Variants in LSR observed in about 807,000 individuals in gnomAD.
The protein encoded by LSR is lipolysis stimulated lipoprotein receptor, also known as lipolysis-stimulated lipoprotein receptor.
Under a neutral mutation model 61.8 loss-of-function variants are expected in LSR, and 44 were observed. The ratio of observed to expected loss-of-function variants is 0.71; its 90% CI spans 0.56 to 0.91. The LOEUF is 0.91. Among genes scored for constraint, LSR ranks in the 40% least tolerant of loss-of-function variants. LSR has a pLI of 0.00. For missense variants in LSR, 911 were observed against 830.5 expected (o/e 1.10, Z -1.19); for synonymous variants, 397 against 350.6 (o/e 1.13, Z -1.48).
At position 35,266,825 on chromosome 19, in the gene LSR, C is replaced by A. The variant is rs199988546; in HGVS notation, c.1013-11C>A. 32 of 1,607,114 alleles carry A rather than the reference C, an allele frequency of 2.0e-5. No homozygotes were observed. The Admixed American group carries it at 3.7e-4, about 19-fold the overall frequency. ...ATCCTCCCAAACCGACCACCACCCC[C>A]CTGTCCCTAGAAGTCCGCAGTGGCT... On this transcript the variant is annotated splice_polypyrimidine_tract_variant and intron_variant, in intron 7 of 9. Transcript: ENST00000605618.
chr19:35,265,528 G>A (rs990103020), intron 5 of LSR, among the ~76,000 whole-genome samples: 1 of 152,162 alleles, frequency 6.6e-6, no homozygotes, highest in Non-Finnish European at 1.5e-5. Context: ...CAAATCAGAG[G>A]TGAGGCACCC....
intron 4 of LSR, 46 bp downstream of exon 4, chr19:35,262,027 C>A: frequency 6.8e-7 from 1 of 1,461,844 alleles, no homozygotes; most frequent in Non-Finnish European, 9.2e-7. Context: ...AGCTCCCATA[C>A]ATCACCTACT....
rs1395473741 is a variant in LSR at position 35,257,722 on chromosome 19, G to A, written c.455-1223G>A. On this transcript the variant is annotated intron_variant, in intron 2 of 9. Coordinates refer to ENST00000605618, the MANE Select transcript of LSR (RefSeq NM_205834.4). ...ATGTAGCCTACTTCTGTCCCCAGTGGCTTAAGGCAGAGTTGCCTGGTAGGT... is the reference window on the plus strand; with the variant it reads ...ATGTAGCCTACTTCTGTCCCCAGTGACTTAAGGCAGAGTTGCCTGGTAGGT... Among the ~76,000 whole-genome samples the A allele has an allele frequency of 3.3e-5, 5 of 152,176 alleles. No individual in the cohort carries two copies. The East Asian group carries it at 9.6e-4, about 29-fold the overall frequency.
chr19:35,266,682 G>A lies in LSR; in HGVS notation c.956G>A (p.Gly319Asp). Residue 319 changes from glycine to aspartate, a missense_variant, in exon 7 of 10, where the codon GGT becomes GAT. Gly to Asp is a moderately conservative substitution (Grantham distance 94, BLOSUM62 -1). Coordinates refer to ENST00000605618, the MANE Select transcript of LSR (RefSeq NM_205834.4). Reference sequence around the variant, plus strand: ...ACTGACAGCCACTCTCCCCCAGCTGGTGGCCAAGGCTCCTATGTACCCCTG... The same window carrying A: ...ACTGACAGCCACTCTCCCCCAGCTGATGGCCAAGGCTCCTATGTACCCCTG... ...PGDVDRSSSA[G>D]GQGSYVPLLR... is the part of the protein sequence containing the mutation. The A allele has an allele frequency of 6.2e-7, 1 of 1,608,380 alleles. No individual in the cohort carries two copies. Among genetic ancestry groups the A allele is most frequent in the Non-Finnish European group, 8.5e-7 (1 of 1,177,784 alleles).
chr19:35,258,975 G>T lies in LSR; in HGVS notation c.485G>T (p.Trp162Leu), dbSNP rs374784835. 18 of 1,613,808 alleles carry T rather than the reference G, an allele frequency of 1.1e-5. No homozygotes were observed. Among genetic ancestry groups the T allele is most frequent in the South Asian group, 2.2e-5 (2 of 91,084 alleles). Residue 162 changes from tryptophan to leucine, a missense_variant, in exon 3 of 10, where the codon TGG (tryptophan) becomes TTG (leucine). Trp to Leu is a moderately conservative substitution (Grantham distance 61). Coordinates refer to ENST00000605618, the MANE Select transcript of LSR (RefSeq NM_205834.4). ...NADLTFDQTAWGDSGVYYCSV... is the reference protein window; with the variant it reads ...NADLTFDQTALGDSGVYYCSV... ...GACCTGACCTTTGACCAGACGGCGTGGGGGGACAGTGGTGTGTATTACTGC... is the reference window on the plus strand; with the variant it reads ...GACCTGACCTTTGACCAGACGGCGTTGGGGGACAGTGGTGTGTATTACTGC...
rs374794014 is a variant in LSR at position 35,250,439 on chromosome 19, G to C, written c.234G>C (p.Trp78Cys). The change falls in exon 2 of 10, where the codon TGG becomes TGC. Residue 78 changes from tryptophan to cysteine, a missense_variant. Physicochemically the swap from Trp to Cys is radical, Grantham distance 215. Coordinates refer to ENST00000605618, the MANE Select transcript of LSR (RefSeq NM_205834.4). ...TSTPTQPIVI[W>C]KYKSFCRDRI... ...CCCCCACGCAACCCATCGTCATCTG[G>C]AAGTACAAGTCTTTCTGCCGGGACC... is the stretch of plus-strand genomic sequence containing the variant. 17 of 1,614,008 alleles carry C rather than the reference G, an allele frequency of 1.1e-5. No homozygotes were observed. Among genetic ancestry groups the C allele is most frequent in the Non-Finnish European group, 1.4e-5 (16 of 1,179,986 alleles).
At chr19:35,249,227 G>A in intron 1 of LSR, 96 bp downstream of exon 1, 2 of 1,432,890 alleles carry the variant, frequency 1.4e-6, no homozygotes, top group Non-Finnish European at 1.8e-6. Flanking sequence ...GGAAGCGGGG[G>A]TCTCAGAGGC....
Position 35,267,137 on chromosome 19 carries a change from G to A in LSR, c.1173G>A (p.Glu391=). The stretch of plus-strand genomic sequence containing the variant: ...TGAGTGAAGTCACCTCCCTCCACGA[G>A]GACGACTGGCGATCTCGGCCTTCCC... ...RAMSEVTSLH[E]DDWRSRPSRG... is the part of the protein sequence containing the mutation. The change falls in exon 9 of 10, where the codon GAG becomes GAA. Residue 391 remains glutamate (E), a synonymous_variant. Transcript: ENST00000605618. 6.5e-7 allele frequency: 1 copy of A among 1,529,340 alleles called. No individual in the cohort carries two copies. 94.7% of individuals were successfully genotyped at this position (1,529,340 alleles called of 1,614,324 possible). A position where few individuals can be genotyped will look rare whatever the true frequency, so the allele number is the denominator to read the frequency against.
At chr19:35,261,850 G>A in intron 3 of LSR, 75 bp from the exon 4 acceptor site, 1 of 1,067,430 alleles carries the variant, frequency 9.4e-7, no homozygotes, top group Non-Finnish European at 1.3e-6. Flanking sequence ...GGCCAGCCTG[G>A]AGCTGGGCTT....
intron 2 of LSR, among the ~76,000 whole-genome samples, chr19:35,255,191 C>T (rs1236529255): frequency 2.6e-5 from 4 of 151,910 alleles, no homozygotes; most frequent in Non-Finnish European, 4.4e-5. Flanking sequence ...ATAAATTTAG[C>T]GGGGCATGAT....
chr19:35,252,457 T>C (rs1055184445), intron 2 of LSR, among the ~76,000 whole-genome samples: 4 of 151,560 alleles, frequency 2.6e-5, no homozygotes, highest in Admixed American at 6.6e-5. Flanking sequence ...CAGACCAGCC[T>C]GGCCAACATG....
At position 35,267,035 on chromosome 19, in the gene LSR, G is replaced by A; in HGVS notation, c.1144+68G>A. 3 of 1,558,390 alleles carry A rather than the reference G, an allele frequency of 1.9e-6. No individual in the cohort carries two copies. The South Asian group carries it at 3.7e-5, about 19-fold the overall frequency. On this transcript the variant is annotated intron_variant, in intron 8 of 9. Transcript: ENST00000605618. Reference sequence around the variant, plus strand: ...GGTGAAACATGTCTCCCTGATACCTGCCGCAGGGACTCTTGGTGCAAACCC... The same window carrying A: ...GGTGAAACATGTCTCCCTGATACCTACCGCAGGGACTCTTGGTGCAAACCC...
chr19:35,263,809 A>G (rs1268104479), intron 5 of LSR, among the ~76,000 whole-genome samples: 9 of 151,432 alleles, frequency 5.9e-5, no homozygotes, highest in Admixed American at 5.9e-4. Flanking sequence ...AACTTAAGCA[A>G]ATTTTTTTTT....
intron 2 of LSR, among the ~76,000 whole-genome samples, chr19:35,258,689 C>T (rs1376438738): frequency 2.0e-5 from 3 of 152,130 alleles, no homozygotes; most frequent in Non-Finnish European, 4.4e-5. Flanking sequence ...TTTTCCAGAC[C>T]CGAAATGTCA....
chr19:35,250,450 C>T lies in LSR; in HGVS notation c.245C>T (p.Ser82Phe). 3.1e-6 allele frequency: 5 copies of T among 1,614,074 alleles called. No homozygotes were observed. Among genetic ancestry groups the T allele is most frequent in the Non-Finnish European group, 4.2e-6 (5 of 1,179,992 alleles). The change falls in exon 2 of 10, where the codon TCT becomes TTT. Residue 82 changes from serine (S) to phenylalanine (F), a missense_variant. By Grantham distance (155) the Ser-to-Phe change is radical. Coordinates refer to ENST00000605618, the MANE Select transcript of LSR (RefSeq NM_205834.4). ...TQPIVIWKYK[S>F]FCRDRIADAF... ...CCCATCGTCATCTGGAAGTACAAGT[C>T]TTTCTGCCGGGACCGCATCGCCGAT...
chr19:35,258,977 G>A lies in LSR; in HGVS notation c.487G>A (p.Gly163Arg). Reference protein sequence around the residue: ...ADLTFDQTAWGDSGVYYCSVV... With the variant: ...ADLTFDQTAWRDSGVYYCSVV... Reference sequence around the variant, plus strand: ...CCTGACCTTTGACCAGACGGCGTGGGGGGACAGTGGTGTGTATTACTGCTC... The same window carrying A: ...CCTGACCTTTGACCAGACGGCGTGGAGGGACAGTGGTGTGTATTACTGCTC... Residue 163 changes from glycine to arginine, a missense_variant, in exon 3 of 10, where the codon GGG becomes AGG. Physicochemically the swap from Gly to Arg is moderately radical, Grantham distance 125. Transcript: ENST00000605618. 1 of 1,614,076 alleles carries A rather than the reference G, an allele frequency of 6.2e-7. No homozygotes were observed. Among genetic ancestry groups the A allele is most frequent in the South Asian group, 1.1e-5 (1 of 91,088 alleles).
intron 2 of LSR, 21 bp from the exon 3 acceptor site, chr19:35,258,924 C>T (rs768680230): frequency 1.6e-5 from 26 of 1,613,304 alleles, no homozygotes; most frequent in South Asian, 3.3e-5. Context: ...GGTGCCCTCA[C>T]GCCTTTTCAT....
chr19:35,261,641 CT>C lies in LSR; in HGVS notation c.575-282del, dbSNP rs562244767. ...TGCTAAGACCTATGAATGAGGGAAA[CT>C]TAGGGTGCCCAAGCTGAGGTAGAGC... On this transcript the variant is annotated intron_variant, in intron 3 of 9. Transcript: ENST00000605618. Among the ~76,000 whole-genome samples, 18 of 152,342 alleles carry C rather than the reference CT, an allele frequency of 1.2e-4. 1 individual carries two copies. In the South Asian group the frequency reaches 3.7e-3, roughly 32 times the overall value.
Position 35,266,875 on chromosome 19 carries a change from A to C in LSR, c.1052A>C (p.Asp351Ala), listed in dbSNP as rs546898807. Residue 351 changes from aspartate (D) to alanine (A), a missense_variant, in exon 8 of 10, where the codon GAC (aspartate) becomes GCC (alanine). Asp to Ala is a moderately radical substitution (Grantham distance 126). Coordinates refer to ENST00000605618, the MANE Select transcript of LSR (RefSeq NM_205834.4). ...SGYRIQASQQDDSMRVLYYME... is the reference protein window; with the variant it reads ...SGYRIQASQQADSMRVLYYME... ...TACAGGATTCAGGCCAGCCAGCAGG[A>C]CGACTCCATGCGGGTCCTGTACTAC... 2.1e-5 allele frequency: 34 copies of C among 1,612,434 alleles called. No homozygotes were observed. The highest frequency in any genetic ancestry group is 2.7e-5 in the Non-Finnish European group (32 of 1,179,350).
Sources: gnomAD v4.1 joint callset for allele counts (sites outside exome capture counted in the v4.1 genomes callset) on GRCh38, gnomAD v4.1.1 for gene constraint, MANE v1.5 for transcripts, NCBI Gene and HGNC (gene_info 2026-07-23, HGNC 2026-07-21) for gene names.